DENND1A: variants seen among roughly 807,000 people sequenced by gnomAD.
The protein encoded by DENND1A is DENN domain containing 1A.
In DENND1A, 51 loss-of-function variants were observed where a neutral mutation model predicts 113.7. The observed-to-expected ratio is 0.45, with a 90% CI of 0.36 to 0.57. The LOEUF (loss-of-function observed/expected upper bound fraction) is 0.57, where lower values mean the gene tolerates loss of function less well. Among genes scored for constraint, DENND1A ranks in the 20% least tolerant of loss-of-function variants. The pLI is 0.00. For missense variants in DENND1A, 1,258 were observed against 1,395.9 expected, an observed-to-expected ratio of 0.90 and a Z score of 1.57; for synonymous variants, 565 against 570.8, an observed-to-expected ratio of 0.99 and a Z score of 0.14.
intron 13 of DENND1A, among the ~76,000 whole-genome samples, chr9:123,477,746 A>T (rs2050028600): frequency 6.7e-6 from 1 of 149,972 alleles, no homozygotes. Flanking sequence ...ACTTAAAAAA[A>T]AATAATTAAA....
intron 2 of DENND1A, among the ~76,000 whole-genome samples, chr9:123,822,492 G>A (rs1179333535): frequency 6.6e-5 from 10 of 152,296 alleles, no homozygotes; most frequent in Middle Eastern, 3.4e-3. Context: ...ATGCATTTAC[G>A]ACTAAGGAGG....
chr9:123,584,122 A>G (rs1035379394), intron 11 of DENND1A, among the ~76,000 whole-genome samples: 1 of 152,146 alleles, frequency 6.6e-6, no homozygotes, highest in African/African-American at 2.4e-5. Context: ...GTCCCATTCA[A>G]TCCTCCTTCC....
chr9:123,598,456 C>CAAAAAAAA (rs780473231), intron 11 of DENND1A, among the ~76,000 whole-genome samples: 1 of 59,392 alleles, frequency 1.7e-5, no homozygotes. Flanking sequence ...TCACAAATCT[C>CAAAAAAAA]AAAAAAAAAA....
intron 13 of DENND1A, among the ~76,000 whole-genome samples, chr9:123,466,069 C>T (rs568137984): frequency 7.2e-5 from 11 of 152,234 alleles, no homozygotes; most frequent in Non-Finnish European, 1.0e-4. Flanking sequence ...GGCGCGATCT[C>T]GGCTCACTAC....
At chr9:123,901,386 T>C (rs770021170) in intron 1 of DENND1A, among the ~76,000 whole-genome samples, 2 of 152,180 alleles carry the variant, frequency 1.3e-5, no homozygotes, top group Non-Finnish European at 2.9e-5. Flanking sequence ...TCCTGCCCTC[T>C]ACCCTCCTAT....
At chr9:123,578,700 A>G (rs1009601864) in intron 12 of DENND1A, among the ~76,000 whole-genome samples, 4 of 152,244 alleles carry the variant, frequency 2.6e-5, no homozygotes, top group African/African-American at 9.6e-5. Flanking sequence ...AAACTCAATT[A>G]CTGCTACTCC....
chr9:123,699,524 C>T lies in DENND1A; in HGVS notation c.303-22735G>A, dbSNP rs1589717578. 1.3e-5 allele frequency among the ~76,000 whole-genome samples: 2 copies of T among 152,170 alleles called. 1 individual carries two copies. Among genetic ancestry groups the T allele is most frequent in the South Asian group, 4.2e-4 (2 of 4,816 alleles). On this transcript the variant is annotated intron_variant, in intron 5 of 23. Coordinates refer to ENST00000394215, the MANE Select transcript of DENND1A (RefSeq NM_001352964.2). ...GTCCCCATCTTCCAGGTTCCCCCCT[C>T]ACCCTGGCTCCCTGTGCCCATCTCT...
chr9:123,559,801 C>A lies in DENND1A; in HGVS notation c.868-2106G>T, dbSNP rs542836489. Among the ~76,000 whole-genome samples the A allele has an allele frequency of 2.2e-4, 34 of 152,208 alleles. No homozygotes were observed. In the South Asian group the frequency reaches 3.5e-3, roughly 16 times the overall value. On this transcript the variant is annotated intron_variant, in intron 12 of 23. Transcript: ENST00000394215. Reference sequence around the variant, plus strand: ...ACATTTTTATTACCCCCGAAAGAAACCTCATACTCATTAGCTGTCACTCCC... The same window carrying A: ...ACATTTTTATTACCCCCGAAAGAAAACTCATACTCATTAGCTGTCACTCCC...
chr9:123,609,251 A>G (rs1027387215), intron 11 of DENND1A, among the ~76,000 whole-genome samples, 185 bp downstream of exon 11: 1 of 152,188 alleles, frequency 6.6e-6, no homozygotes, highest in Non-Finnish European at 1.5e-5. Context: ...AAAGTGGGAA[A>G]ACCCTGAAAA....
At chr9:123,415,950 G>A (rs146461743) in intron 19 of DENND1A, among the ~76,000 whole-genome samples, 1 of 152,238 alleles carries the variant, frequency 6.6e-6, no homozygotes, top group Non-Finnish European at 1.5e-5. Flanking sequence ...TGTAGGAGGT[G>A]AGTAGTAGTG....
intron 3 of DENND1A, among the ~76,000 whole-genome samples, chr9:123,778,290 G>A (rs1326836059): frequency 6.6e-6 from 1 of 152,192 alleles, no homozygotes; most frequent in Non-Finnish European, 1.5e-5. Flanking sequence ...CACAACAGTG[G>A]TACCAGAGTA....
intron 13 of DENND1A, among the ~76,000 whole-genome samples, chr9:123,486,064 G>A (rs2050835754): frequency 6.6e-6 from 1 of 152,184 alleles, no homozygotes; most frequent in South Asian, 2.1e-4. Flanking sequence ...GAGCAGGTGG[G>A]AAGAGAAGAG....
intron 13 of DENND1A, among the ~76,000 whole-genome samples, chr9:123,548,692 C>G (rs886713551): frequency 6.6e-6 from 1 of 152,132 alleles, no homozygotes; most frequent in Non-Finnish European, 1.5e-5. Context: ...AGTGGATAAA[C>G]AAAATATGGT....
At chr9:123,690,664 T>TC (rs1214496423) in intron 5 of DENND1A, among the ~76,000 whole-genome samples, 4 of 151,878 alleles carry the variant, frequency 2.6e-5, no homozygotes, top group African/African-American at 7.2e-5. Flanking sequence ...TAACAAAATA[T>TC]CCCCCCTCCT....
intron 5 of DENND1A, among the ~76,000 whole-genome samples, chr9:123,703,773 T>C (rs1352678137): frequency 6.6e-6 from 1 of 152,028 alleles, no homozygotes; most frequent in Non-Finnish European, 1.5e-5. Context: ...TAATTGACAA[T>C]GAAAGAAAAC....
chr9:123,383,900 G>C lies in DENND1A; in HGVS notation c.1774C>G (p.Arg592Gly). 1.2e-6 allele frequency: 2 copies of C among 1,610,774 alleles called. No homozygotes were observed. The highest frequency in any genetic ancestry group is 1.3e-5 in the African/African-American group (1 of 75,042). Residue 592 changes from arginine (R) to glycine (G), a missense_variant, in exon 23 of 24, where the codon CGG (arginine) becomes GGG (glycine). This residue lies in a region of DENND1A where 1,159 missense variants were observed against 1,231.7 expected (regional missense o/e 0.94). Coordinates refer to ENST00000394215, the MANE Select transcript of DENND1A (RefSeq NM_001352964.2). ...GCGCTGTCTGACTCCCTGAGTGTCC[G>C]ATACGGCTGCGGCCTGTCGGGGACA... ...SAPFEWPQPY[R>G]TLRESDSAEG...
intron 19 of DENND1A, among the ~76,000 whole-genome samples, chr9:123,438,007 G>A (rs957359368): frequency 2.0e-5 from 3 of 152,168 alleles, no homozygotes; most frequent in African/African-American, 4.8e-5. Flanking sequence ...TGCTATAGAT[G>A]TCAGGTCTGA....
intron 11 of DENND1A, among the ~76,000 whole-genome samples, chr9:123,598,424 A>G (rs895656500): frequency 5.3e-5 from 8 of 150,482 alleles, no homozygotes; most frequent in African/African-American, 1.5e-4. Context: ...GGGAGGGGGG[A>G]AAATCACCTT....
chr9:123,726,417 C>T (rs563016677), intron 5 of DENND1A, among the ~76,000 whole-genome samples: 1 of 152,218 alleles, frequency 6.6e-6, no homozygotes, highest in Non-Finnish European at 1.5e-5. Flanking sequence ...CTGCCTCTCC[C>T]TATCACACGA....
Sources: allele counts gnomAD v4.1 joint callset (sites outside exome capture counted in the v4.1 genomes callset), GRCh38; gene constraint gnomAD v4.1.1; regional missense constraint gnomAD v4.1.1; transcripts MANE v1.5; gene names NCBI Gene and HGNC (gene_info 2026-07-23, HGNC 2026-07-21).